CENATAC: variants seen among roughly 807,000 people sequenced by gnomAD.
CENATAC encodes coiled-coil domain containing 84.
In CENATAC, 53 loss-of-function variants were observed where a neutral mutation model predicts 53.7. The observed-to-expected ratio is 0.99, with a 90% CI of 0.79 to 1.24. The LOEUF is 1.24. Among genes scored for constraint, CENATAC ranks in the 50% most tolerant of loss-of-function variants. The pLI, the probability that CENATAC is intolerant of heterozygous loss-of-function variation, is 0.00. For missense variants in CENATAC, 474 were observed against 417.8 expected, an observed-to-expected ratio of 1.13 and a Z score of -1.17; for synonymous variants, 156 against 144.6, an observed-to-expected ratio of 1.08 and a Z score of -0.57.
chr11:119,010,977 G>C (rs1942841980), intron 4 of CENATAC, 147 bp downstream of exon 4: 2 of 730,116 alleles, frequency 2.7e-6, no homozygotes, highest in East Asian at 5.4e-5. Context: ...TTCTCATAAG[G>C]AGCACGCAAC....
chr11:118,999,884 C>A (rs538593195), intron 3 of CENATAC, among the ~76,000 whole-genome samples: 1 of 152,150 alleles, frequency 6.6e-6, no homozygotes, highest in African/African-American at 2.4e-5. Context: ...CCTCCTGATC[C>A]GCCCACCTTG....
chr11:119,003,305 T>G (rs1373450504), intron 3 of CENATAC: 1 of 530,628 alleles, frequency 1.9e-6, no homozygotes, highest in Admixed American at 2.0e-5. Flanking sequence ...TCGCAATGTC[T>G]TGGGCCGCCA....
intron 3 of CENATAC, chr11:119,006,008 C>T (rs917819883): frequency 9.3e-5 from 13 of 139,134 alleles, no homozygotes; most frequent in African/African-American, 3.5e-4. Flanking sequence ...ACAATCATGG[C>T]TCACTGCAGC....
At chr11:119,007,594 A>G (rs1446809867) in intron 3 of CENATAC, among the ~76,000 whole-genome samples, 1 of 151,986 alleles carries the variant, frequency 6.6e-6, no homozygotes, top group African/African-American at 2.4e-5. Flanking sequence ...GGCTCAAGCA[A>G]TCCTCCCACC....
chr11:118,998,731 C>T (rs1345733530), intron 2 of CENATAC, 138 bp downstream of exon 2: 8 of 1,218,848 alleles, frequency 6.6e-6, no homozygotes, highest in East Asian at 2.6e-5. Flanking sequence ...GTTTTGCCAG[C>T]CTTGTTAGGG....
intron 3 of CENATAC, chr11:119,001,803 T>A: frequency 2.5e-6 from 1 of 396,606 alleles, no homozygotes. Context: ...ACACCTGTAG[T>A]CCTAGCTACT....
At chr11:118,998,853 A>G (rs1417067487) in intron 2 of CENATAC, among the ~76,000 whole-genome samples, 158 bp from the exon 3 acceptor site, 2 of 152,182 alleles carry the variant, frequency 1.3e-5, no homozygotes, top group African/African-American at 2.4e-5. Flanking sequence ...TATGGGAAGA[A>G]GAGACACGAG....
At chr11:119,014,029 CTTAGA>C (rs1343615681) in intron 8 of CENATAC, 8 of 152,154 alleles carry the variant, frequency 5.3e-5, no homozygotes, top group Admixed American at 5.2e-4. Context: ...ATACACTGCT[CTTAGA>C]ATGTAAACTG....
chr11:119,012,954 A>G (rs1942942844), intron 7 of CENATAC: 1 of 381,948 alleles, frequency 2.6e-6, no homozygotes, highest in Non-Finnish European at 4.7e-6. Context: ...AATTATATGT[A>G]TGCTGTGAGG....
chr11:119,009,412 A>C (rs1942762897), intron 3 of CENATAC: 1 of 151,328 alleles, frequency 6.6e-6, no homozygotes, highest in African/African-American at 2.4e-5. Context: ...GGCGTGGGCC[A>C]CACCGCGCCT....
At chr11:119,015,177 G>A in intron 9 of CENATAC, 94 bp downstream of exon 9, 1 of 1,455,008 alleles carries the variant, frequency 6.9e-7, no homozygotes, top group South Asian at 1.2e-5. Context: ...TATAATCCTA[G>A]CATTTTGGGA....
At position 119,011,230 on chromosome 11, in the gene CENATAC, C is replaced by G; in HGVS notation, c.460C>G (p.Gln154Glu). The G allele has an allele frequency of 1.2e-6, 2 of 1,614,020 alleles. No individual in the cohort carries two copies. Among genetic ancestry groups the G allele is most frequent in the Non-Finnish European group, 8.5e-7 (1 of 1,179,944 alleles). The change falls in exon 5 of 11, where the codon CAG becomes GAG. Residue 154 changes from glutamine to glutamate, a missense_variant. By Grantham distance (29) the Gln-to-Glu change is conservative. Transcript: ENST00000334418. The stretch of plus-strand genomic sequence containing the variant: ...AGCCTCTCTCCCACAGATGGCAGCT[C>G]AGATCCGTGAGGTGGAGCAGAGCCG... ...EDKVIKEMAA[Q>E]IREVEQSRQE... is the part of the protein sequence containing the mutation.
chr11:119,001,682 T>C (rs1319957208), intron 3 of CENATAC: 1 of 456,112 alleles, frequency 2.2e-6, no homozygotes, highest in Admixed American at 2.3e-5. Flanking sequence ...AGTGAACTCG[T>C]GCAGTTCAAA....
intron 3 of CENATAC, among the ~76,000 whole-genome samples, chr11:118,999,877 C>T (rs1331188403): frequency 1.3e-5 from 2 of 152,244 alleles, no homozygotes; most frequent in East Asian, 1.9e-4. Flanking sequence ...CTCCTGACCT[C>T]CTGATCCGCC....
At chr11:119,006,169 C>T (rs573427107) in intron 3 of CENATAC, among the ~76,000 whole-genome samples, 1 of 143,494 alleles carries the variant, frequency 7.0e-6, no homozygotes. Context: ...TGACTGCAAC[C>T]TCTGCCTCCC....
chr11:119,002,199 G>A (rs960880675), intron 3 of CENATAC, among the ~76,000 whole-genome samples: 2 of 141,700 alleles, frequency 1.4e-5, no homozygotes, highest in Non-Finnish European at 3.0e-5. Flanking sequence ...ACTGCAGCCT[G>A]GGCAACAAGA....
chr11:119,012,412 A>G (rs782468958), intron 7 of CENATAC, 158 bp downstream of exon 7: 2 of 762,180 alleles, frequency 2.6e-6, no homozygotes, highest in Non-Finnish European at 4.1e-6. Context: ...ACCTCTTCTC[A>G]CCCTCCAAAG....
chr11:119,001,711 C>T (rs1004659537), intron 3 of CENATAC: 2 of 453,330 alleles, frequency 4.4e-6, no homozygotes, highest in African/African-American at 4.0e-5. Context: ...GTGCAAGAGT[C>T]AACTGTATTT....
At chr11:119,007,479 G>T (rs1266260214) in intron 3 of CENATAC, among the ~76,000 whole-genome samples, 1 of 151,922 alleles carries the variant, frequency 6.6e-6, no homozygotes, top group Non-Finnish European at 1.5e-5. Flanking sequence ...ACCTAATCTG[G>T]CCTTTTTATT....
Sources: allele counts gnomAD v4.1 joint callset (sites outside exome capture counted in the v4.1 genomes callset), GRCh38; gene constraint gnomAD v4.1.1; transcripts MANE v1.5; gene names NCBI Gene and HGNC (gene_info 2026-07-23, HGNC 2026-07-21).